RAB34: variants seen among roughly 807,000 people sequenced by gnomAD.
RAB34 encodes RAB34, member RAS oncogene family.
In RAB34, 33 loss-of-function variants were observed where a neutral mutation model predicts 39.0. The observed-to-expected ratio is 0.85, with a 90% CI of 0.64 to 1.13. The LOEUF is 1.13. Among genes scored for constraint, RAB34 ranks in the 50% most tolerant of loss-of-function variants. The probability of loss-of-function intolerance (pLI) is 0.00; values close to 1 mark genes in which losing one functional copy is unlikely to be tolerated. For missense variants in RAB34, 289 were observed against 326.1 expected, an observed-to-expected ratio of 0.89 and a Z score of 0.88; for synonymous variants, 135 against 125.1, an observed-to-expected ratio of 1.08 and a Z score of -0.53.
In RAB34 at chr17:28,716,078, G is replaced by T; in HGVS notation, c.147-20C>A. 2 of 1,613,574 alleles carry T rather than the reference G, an allele frequency of 1.2e-6. No homozygotes were observed. The highest frequency in any genetic ancestry group is 2.2e-5 in the East Asian group (1 of 44,886). Reference sequence around the variant, plus strand: ...TTAAATCTGCTGGACACAAGAGTGGGCAAGGGGAGTGGGCACGAGCTCTTT... The same window carrying T: ...TTAAATCTGCTGGACACAAGAGTGGTCAAGGGGAGTGGGCACGAGCTCTTT... On this transcript the variant is annotated intron_variant, in intron 2 of 9. Transcript: ENST00000395245.
rs1288754088 is a variant in RAB34 at position 28,716,007 on chromosome 17, A to C, written c.198T>G (p.Thr66=). The change falls in exon 3 of 10, where the codon ACT becomes ACG. Residue 66 remains threonine, a synonymous_variant. Transcript: ENST00000395245. ...CACCCCCTTACCTATTAATGAGGCA[A>C]GTCTTCCCCACCGACAGGTCCCCCA... ...IVVGDLSVGK[T]CLINRFCKDT... 1.2e-6 allele frequency: 2 copies of C among 1,613,960 alleles called. No homozygotes were observed. Among genetic ancestry groups the C allele is most frequent in the East Asian group, 4.5e-5 (2 of 44,888 alleles).
chr17:28,714,655 T>C lies in RAB34; in HGVS notation c.768A>G (p.Thr256=). The C allele has an allele frequency of 6.2e-7, 1 of 1,614,092 alleles. No homozygotes were observed. The highest frequency in any genetic ancestry group is 8.5e-7 in the Non-Finnish European group (1 of 1,179,990). Residue 256 remains threonine, a synonymous_variant, in exon 10 of 10, where the codon ACA becomes ACG. Coordinates refer to ENST00000395245, the MANE Select transcript of RAB34 (RefSeq NM_031934.6). ...LYLTASKKKP[T]CCP ...GTCTCCTCAGCCCTCATGGGCAACA[T>C]GTGGGCTTCTTCTTGCTGGCAGTTA...
At position 28,715,029 on chromosome 17, in the gene RAB34, C is replaced by T; in HGVS notation, c.604+3G>A. On this transcript the variant is annotated splice_donor_region_variant and intron_variant, in intron 8 of 9. Transcript: ENST00000395245. ...CAGCAGAGCCCTAAAGCCTCCAACT[C>T]ACCAGTGAGAGATGAGACTGCCCAG... 1.9e-6 allele frequency: 3 copies of T among 1,613,670 alleles called. No homozygotes were observed. Among genetic ancestry groups the T allele is most frequent in the Non-Finnish European group, 2.5e-6 (3 of 1,179,696 alleles).
In RAB34 at chr17:28,717,314, TCCGCGTCAGCGAC is replaced by T; in HGVS notation, c.-61_-49del. 6.4e-7 allele frequency: 1 copy of T among 1,553,428 alleles called. No individual in the cohort carries two copies. Among genetic ancestry groups the T allele is most frequent in the Non-Finnish European group, 8.7e-7 (1 of 1,153,648 alleles). ...GCCCTGAGAAGGCGCCGAGGCCGGATCCGCGTCAGCGACCCGGGCGCGTGGAGACCCGACGATC... is the reference window on the plus strand; with the variant it reads ...GCCCTGAGAAGGCGCCGAGGCCGGATCCGGGCGCGTGGAGACCCGACGATC... On this transcript the variant is annotated 5_prime_UTR_variant, in exon 1 of 10. Transcript: ENST00000395245.
At position 28,715,690 on chromosome 17, in the gene RAB34, C is replaced by T. The variant is rs2033274042; in HGVS notation, c.330G>A (p.Gly110=). ...PFSLQLWDTA[G]QERFKCIAST... ...ATGCAATGCATTTGAACCTCTCCTG[C>T]CCAGCGGTATCCCAACTGGAAGGAA... is the stretch of plus-strand genomic sequence containing the variant. Residue 110 remains glycine (G), a synonymous_variant, in exon 5 of 10, where the codon GGG becomes GGA. Transcript: ENST00000395245. 6.2e-7 allele frequency: 1 copy of T among 1,614,108 alleles called. No individual in the cohort carries two copies.
At position 28,716,977 on chromosome 17, in the gene RAB34, G is replaced by C. The variant is rs1477051432; in HGVS notation, c.72C>G (p.Ala24=). 1 of 1,613,622 alleles carries C rather than the reference G, an allele frequency of 6.2e-7. No homozygotes were observed. The highest frequency in any genetic ancestry group is 2.2e-5 in the East Asian group (1 of 44,884). Residue 24 remains alanine (A), a synonymous_variant, in exon 2 of 10, where the codon GCC becomes GCG. Transcript: ENST00000395245. The stretch of plus-strand genomic sequence containing the variant: ...GGAAGTCTTTGTGCCCGTGCAAAGC[G>C]GCCTCCTTCCTCAGGCACTTAGTGG... The part of the protein sequence containing the change: ...AELPQCLRKE[A]ALHGHKDFHP...
chr17:28,714,878 G>A lies in RAB34; in HGVS notation c.627C>T (p.Phe209=), dbSNP rs770531730. 6.2e-7 allele frequency: 1 copy of A among 1,614,124 alleles called. No homozygotes were observed. Among genetic ancestry groups the A allele is most frequent in the South Asian group, 1.1e-5 (1 of 91,080 alleles). ...CAAAGGTCAGTGCTGCCACACGGAA[G>A]AAGAATTCTCGGACATTCTCACCTG... is the stretch of plus-strand genomic sequence containing the variant. ...SLTGENVREF[F]FRVAALTFEA... Residue 209 remains phenylalanine (F), a synonymous_variant, in exon 9 of 10, where the codon TTC becomes TTT. Transcript: ENST00000395245.
chr17:28,718,209 AG>A, upstream of RAB34: 2 of 1,601,582 alleles, frequency 1.2e-6, no homozygotes, highest in African/African-American at 2.7e-5. Context: ...GGGGGAGAGA[AG>A]GGGCCCAAGG....
Position 28,716,049 on chromosome 17 carries a change from G to T in RAB34, c.156C>A (p.Ile52=). Residue 52 remains isoleucine, a synonymous_variant, in exon 3 of 10, where the codon ATC becomes ATA. Transcript: ENST00000395245. ...EHRTGTVGFK[I]SKVIVVGDLS... ...GGTCCCCCACCACAATGACCTTGGAGATCTTAAATCTGCTGGACACAAGAG... is the reference window on the plus strand; with the variant it reads ...GGTCCCCCACCACAATGACCTTGGATATCTTAAATCTGCTGGACACAAGAG... The T allele has an allele frequency of 6.2e-7, 1 of 1,614,024 alleles. No individual in the cohort carries two copies. Among genetic ancestry groups the T allele is most frequent in the African/African-American group, 1.3e-5 (1 of 75,010 alleles).
chr17:28,717,289 G>A lies in RAB34; in HGVS notation c.-23C>T, dbSNP rs368644997. The A allele has an allele frequency of 8.2e-6, 13 of 1,587,080 alleles. No individual in the cohort carries two copies. In the South Asian group the frequency reaches 1.5e-4, roughly 18 times the overall value. Reference sequence around the variant, plus strand: ...CATCCTGCCTGCGGCCTTGCAGGGCGCCCTGAGAAGGCGCCGAGGCCGGAT... The same window carrying A: ...CATCCTGCCTGCGGCCTTGCAGGGCACCCTGAGAAGGCGCCGAGGCCGGAT... On this transcript the variant is annotated 5_prime_UTR_variant, in exon 1 of 10. Transcript: ENST00000395245.
chr17:28,716,122 T>C (rs1181063023), intron 2 of RAB34, 64 bp from the exon 3 acceptor site: 3 of 1,608,384 alleles, frequency 1.9e-6, no homozygotes, highest in Non-Finnish European at 1.7e-6. Flanking sequence ...GGAGTTCCAA[T>C]GCTCCCGACT....
At position 28,715,646 on chromosome 17, in the gene RAB34, G is replaced by A. The variant is rs1203706370; in HGVS notation, c.374C>T (p.Ala125Val). 6.2e-7 allele frequency: 1 copy of A among 1,614,076 alleles called. No homozygotes were observed. The part of the protein sequence containing the change: ...KCIASTYYRG[A>V]QAIIIVFNLN... ...CACTTCACCCAGCCCCTTACCTTGA[G>A]CTCCTCTATAGTAGGTTGATGCAAT... is the stretch of plus-strand genomic sequence containing the variant. Residue 125 changes from alanine (A) to valine (V), a missense_variant, in exon 5 of 10, where the codon GCT becomes GTT. By Grantham distance (64) the Ala-to-Val change is moderately conservative. Coordinates refer to ENST00000395245, the MANE Select transcript of RAB34 (RefSeq NM_031934.6).
chr17:28,717,381 C>A lies in RAB34; in HGVS notation c.-115G>T. The A allele has an allele frequency of 6.6e-7, 1 of 1,525,818 alleles. No homozygotes were observed. The highest frequency in any genetic ancestry group is 8.8e-7 in the Non-Finnish European group (1 of 1,139,640). The allele number at this position is 1,525,818 out of a possible 1,614,324, so 94.5% of individuals were successfully genotyped here. ...CGCGGCCGGGGTGTCCCGACTACAA[C>A]TCGGGGCCACGGGGACCCTACGGGA... On this transcript the variant is annotated 5_prime_UTR_variant, in exon 1 of 10. Transcript: ENST00000395245.
intron 4 of RAB34, 31 bp downstream of exon 4, chr17:28,715,769 G>A: frequency 6.2e-7 from 1 of 1,611,676 alleles, no homozygotes; most frequent in Non-Finnish European, 8.5e-7. Context: ...TGGGGAGAAG[G>A]GATAGCTGGA....
chr17:28,714,483 T>G lies in RAB34; in HGVS notation c.*160A>C. ...ACGGTGCCTGGGGGCAGGAAGTGAC[T>G]AGCATGATCCCAGCTACCCCTCTGT... On this transcript the variant is annotated 3_prime_UTR_variant, in exon 10 of 10. Transcript: ENST00000395245. The G allele has an allele frequency of 1.3e-6, 2 of 1,520,332 alleles. No homozygotes were observed. Among genetic ancestry groups the G allele is most frequent in the Non-Finnish European group, 1.8e-6 (2 of 1,098,784 alleles). The allele number at this position is 1,520,332 out of a possible 1,614,324, so 94.2% of individuals were successfully genotyped here.
Position 28,717,630 on chromosome 17 carries a change from C to T in RAB34, c.-364G>A. On this transcript the variant is annotated 5_prime_UTR_variant, in exon 1 of 10. Transcript: ENST00000395245. ...CGGGGCCGGATAGTTCCTACGATTA[C>T]GCGGGGCCGGATGGTTCCTACAATA... 3.6e-6 allele frequency: 5 copies of T among 1,378,966 alleles called. 1 individual carries two copies. The South Asian group carries it at 8.5e-5, about 23-fold the overall frequency. 85.4% of individuals were successfully genotyped at this position (1,378,966 alleles called of 1,614,324 possible).
Position 28,715,125 on chromosome 17 carries a change from G to A in RAB34, c.514-3C>T. ...ATCAGCGCATACTGAGCAGGGGTCT[G>A]AGGGAAGGCCAGAGTCAGAGGGGGG... On this transcript the variant is annotated splice_region_variant and splice_polypyrimidine_tract_variant and intron_variant, in intron 7 of 9. Transcript: ENST00000395245. The A allele has an allele frequency of 6.2e-7, 1 of 1,614,130 alleles. No homozygotes were observed. Among genetic ancestry groups the A allele is most frequent in the South Asian group, 1.1e-5 (1 of 91,086 alleles).
intron 1 of RAB34, 98 bp downstream of exon 1, chr17:28,717,115 G>T: frequency 6.5e-7 from 1 of 1,532,604 alleles, no homozygotes; most frequent in Non-Finnish European, 8.8e-7. Flanking sequence ...TAGCTGGGTG[G>T]CAGGGCTGGG....
Position 28,717,476 on chromosome 17 carries a change from G to A in RAB34, c.-210C>T, listed in dbSNP as rs1295932412. The A allele has an allele frequency of 8.3e-6, 12 of 1,445,016 alleles. No homozygotes were observed. Among genetic ancestry groups the A allele is most frequent in the African/African-American group, 1.4e-5 (1 of 69,186 alleles). The allele number at this position is 1,445,016 out of a possible 1,614,324, so 89.5% of individuals were successfully genotyped here. A position where few individuals can be genotyped will look rare whatever the true frequency, so the allele number is the denominator to read the frequency against. On this transcript the variant is annotated 5_prime_UTR_variant, in exon 1 of 10. Transcript: ENST00000395245. Reference sequence around the variant, plus strand: ...TGAAACAATCACCCGGGGCCGCGGCGAGCCCAAAATCACCCGGGCCCTGGG... The same window carrying A: ...TGAAACAATCACCCGGGGCCGCGGCAAGCCCAAAATCACCCGGGCCCTGGG...
Sources: gnomAD v4.1 joint callset for allele counts on GRCh38, gnomAD v4.1.1 for gene constraint, MANE v1.5 for transcripts, NCBI Gene and HGNC (gene_info 2026-07-23, HGNC 2026-07-21) for gene names.